The following ERBIN variants were observed in gnomAD, a reference collection of about 807,000 sequenced individuals.
The protein encoded by ERBIN is erbb2 interacting protein.
ERBIN carries 60 observed loss-of-function variants against 158.4 expected under a neutral mutation model. The ratio of observed to expected loss-of-function variants is 0.38; its 90% CI spans 0.31 to 0.47. The LOEUF is 0.47. Ranked by LOEUF, ERBIN falls within the 20% of genes least tolerant of loss-of-function variation. The probability of loss-of-function intolerance (pLI) is 0.99; values close to 1 mark genes in which losing one functional copy is unlikely to be tolerated. For missense variants in ERBIN, 1,610 were observed against 1,648.0 expected (o/e 0.98, Z 0.40); for synonymous variants, 594 against 557.2 (o/e 1.07, Z -0.93).
chr5:66,011,667 A>G (rs1272209823), intron 4 of ERBIN, among the ~76,000 whole-genome samples: 1 of 152,218 alleles, frequency 6.6e-6, no homozygotes, highest in Non-Finnish European at 1.5e-5. Flanking sequence ...AGCGTGGGCA[A>G]CAGATCAAGA....
rs1756094901 is a variant in ERBIN at position 66,025,100 on chromosome 5, T to A, written c.818-380T>A. Among the ~76,000 whole-genome samples the A allele has an allele frequency of 3.3e-5, 5 of 152,242 alleles. No individual in the cohort carries two copies. The South Asian group carries it at 1.0e-3, about 32-fold the overall frequency. ...GGAATAGTTTTTTATATACCTGTTA[T>A]GAACTACCTTCATACTACCATTTCT... On this transcript the variant is annotated intron_variant, in intron 10 of 25. Transcript: ENST00000284037.
intron 5 of ERBIN, among the ~76,000 whole-genome samples, chr5:66,012,856 C>T (rs182645279): frequency 1.9e-4 from 29 of 152,300 alleles, no homozygotes; most frequent in East Asian, 3.9e-4. Flanking sequence ...ATGGCCCTAA[C>T]GTCATTCAGC....
At chr5:66,057,316 A>G (rs1221028942) in intron 21 of ERBIN, among the ~76,000 whole-genome samples, 3 of 152,158 alleles carry the variant, frequency 2.0e-5, no homozygotes, top group Non-Finnish European at 4.4e-5. Context: ...AAGCACTTAG[A>G]AGGGTACCTG....
intron 14 of ERBIN, among the ~76,000 whole-genome samples, chr5:66,035,185 A>G (rs1757274384): frequency 6.6e-6 from 1 of 152,158 alleles, no homozygotes; most frequent in African/African-American, 2.4e-5. Context: ...TTCTCCTGAA[A>G]TTGCTATCTG....
At chr5:65,981,959 A>T (rs1376921108) in intron 1 of ERBIN, among the ~76,000 whole-genome samples, 1 of 152,188 alleles carries the variant, frequency 6.6e-6, no homozygotes. Flanking sequence ...CTATGGCATG[A>T]TTTTAGGTGG....
Position 65,994,297 on chromosome 5 carries a change from G to T in ERBIN, c.190-450G>T, listed in dbSNP as rs75475724. Among the ~76,000 whole-genome samples, 183 of 152,254 alleles carry T rather than the reference G, an allele frequency of 1.2e-3. 3 individuals carry two copies. In the East Asian group the frequency reaches 0.032, roughly 27 times the overall value. ...CCACCAGTAGAGTCTTGGTTTAGGG[G>T]TTTTGGTGAAAAGAGAAAGTCTTGC... On this transcript the variant is annotated intron_variant, in intron 3 of 25. Transcript: ENST00000284037.
At chr5:65,995,518 A>G (rs1398360211) in intron 4 of ERBIN, among the ~76,000 whole-genome samples, 11 of 151,964 alleles carry the variant, frequency 7.2e-5, no homozygotes, top group South Asian at 2.1e-4. Flanking sequence ...TTCTTCATTC[A>G]TTCATCCGTT....
chr5:65,957,073 T>C (rs771539153), intron 1 of ERBIN, among the ~76,000 whole-genome samples: 1 of 152,200 alleles, frequency 6.6e-6, no homozygotes, highest in Non-Finnish European at 1.5e-5. Flanking sequence ...TATATTTATT[T>C]AGCACCCTCT....
At chr5:65,960,124 A>T (rs942316432) in intron 1 of ERBIN, among the ~76,000 whole-genome samples, 3 of 152,268 alleles carry the variant, frequency 2.0e-5, no homozygotes, top group Non-Finnish European at 4.4e-5. Context: ...AAATTGCAGT[A>T]TATTCATATG....
At position 65,948,135 on chromosome 5, in the gene ERBIN, TC is replaced by T. The variant is rs375412193; in HGVS notation, c.-58+21330del. 7.6e-3 allele frequency among the ~76,000 whole-genome samples: 1,158 copies of T among 152,200 alleles called. 7 individuals carry two copies. Among genetic ancestry groups the T allele is most frequent in the South Asian group, 0.038 (184 of 4,830 alleles). ...AGCACGTATTCTATAGCTGTCAAGA[TC>T]TTTTTCATGAGTTCTTTTTTGTTTG... is the stretch of plus-strand genomic sequence containing the variant. On this transcript the variant is annotated intron_variant, in intron 1 of 25. Coordinates refer to ENST00000284037, the MANE Select transcript of ERBIN (RefSeq NM_001253697.2).
intron 4 of ERBIN, among the ~76,000 whole-genome samples, chr5:66,004,173 C>T (rs1753312942): frequency 1.3e-5 from 2 of 150,028 alleles, no homozygotes; most frequent in South Asian, 2.1e-4. Flanking sequence ...AACTCCTTGT[C>T]CTCAAACAGT....
intron 7 of ERBIN, among the ~76,000 whole-genome samples, chr5:66,016,290 G>A (rs1754704953): frequency 6.6e-6 from 1 of 152,138 alleles, no homozygotes; most frequent in Non-Finnish European, 1.5e-5. Flanking sequence ...TGAATAACAA[G>A]ATGTAAATTG....
At chr5:66,065,183 G>C (rs1760849819) in intron 21 of ERBIN, among the ~76,000 whole-genome samples, 1 of 152,168 alleles carries the variant, frequency 6.6e-6, no homozygotes, top group Admixed American at 6.5e-5. Context: ...GCAAATTTGA[G>C]ATACAAACCA....
At chr5:65,954,196 C>T (rs1232115126) in intron 1 of ERBIN, among the ~76,000 whole-genome samples, 4 of 152,140 alleles carry the variant, frequency 2.6e-5, no homozygotes, top group African/African-American at 9.7e-5. Context: ...TTGTTCTCCT[C>T]TCACCCCCAG....
chr5:66,036,389 A>G (rs1186645613), intron 14 of ERBIN, among the ~76,000 whole-genome samples: 1 of 152,094 alleles, frequency 6.6e-6, no homozygotes, highest in Non-Finnish European at 1.5e-5. Flanking sequence ...TCTACCCCAT[A>G]CACATTCATT....
At chr5:65,993,038 A>G in intron 3 of ERBIN, 131 bp downstream of exon 3, 1 of 635,460 alleles carries the variant, frequency 1.6e-6, no homozygotes, top group Non-Finnish European at 2.5e-6. Context: ...TGTATCGTAG[A>G]GTATGCCGTA....
intron 2 of ERBIN, among the ~76,000 whole-genome samples, chr5:65,989,594 A>AT (rs1159383569): frequency 6.6e-6 from 1 of 152,186 alleles, no homozygotes; most frequent in Non-Finnish European, 1.5e-5. Context: ...AGAAAAAAAA[A>AT]TCGGAAATTG....
At chr5:66,004,103 ATTTTTTTT>A (rs57148473) in intron 4 of ERBIN, among the ~76,000 whole-genome samples, 2 of 105,172 alleles carry the variant, frequency 1.9e-5, no homozygotes, top group South Asian at 6.1e-4. Flanking sequence ...ATGCTCGGCT[ATTTTTTTT>A]TTTTTTTTTT....
In ERBIN at chr5:66,080,894, A is replaced by AG. The variant is rs1762356668; in HGVS notation, c.*2365dup. On this transcript the variant is annotated 3_prime_UTR_variant, in exon 26 of 26. Coordinates refer to ENST00000284037, the MANE Select transcript of ERBIN (RefSeq NM_001253697.2). Reference sequence around the variant, plus strand: ...TAAAGTTGCGTAAGAAACTTTACCAAGAGGAGTATTATAGCCAAGTTTTCT... The same window carrying AG: ...TAAAGTTGCGTAAGAAACTTTACCAAGGAGGAGTATTATAGCCAAGTTTTCT... 1 of 152,062 alleles carries AG rather than the reference A, an allele frequency of 6.6e-6. No individual in the cohort carries two copies. The highest frequency in any genetic ancestry group is 1.5e-5 in the Non-Finnish European group (1 of 67,898). 9.4% of individuals were successfully genotyped at this position (152,062 alleles called of 1,614,324 possible). A position where few individuals can be genotyped will look rare whatever the true frequency, so the allele number is the denominator to read the frequency against.
Sources: gnomAD v4.1 joint callset for allele counts (sites outside exome capture counted in the v4.1 genomes callset) on GRCh38, gnomAD v4.1.1 for gene constraint, MANE v1.5 for transcripts, NCBI Gene and HGNC (gene_info 2026-07-23, HGNC 2026-07-21) for gene names.